The following GLS2 variants were observed in gnomAD, a reference collection of about 807,000 sequenced individuals.
GLS2 encodes glutaminase liver isoform, mitochondrial.
Under a neutral mutation model 79.0 loss-of-function variants are expected in GLS2, and 52 were observed. The observed-to-expected ratio is 0.66, with a 90% CI of 0.53 to 0.83. The LOEUF (loss-of-function observed/expected upper bound fraction) is 0.83. GLS2 is among the 40% of genes least tolerant of loss of function. GLS2 has a pLI of 0.00. For synonymous variants in GLS2, 238 were observed against 280.8 expected (o/e 0.85, Z 1.52); for missense variants, 561 against 764.8 (o/e 0.73, Z 3.14).
At chr12:56,478,881 G>A in intron 4 of GLS2, 171 bp downstream of exon 4, 2 of 751,514 alleles carry the variant, frequency 2.7e-6, no homozygotes, top group Non-Finnish European at 4.2e-6. Flanking sequence ...CTACTCGGGA[G>A]GCTGAGACAG....
In GLS2 at chr12:56,471,977, T is replaced by C. The variant is rs376294276; in HGVS notation, c.1589-141A>G. On this transcript the variant is annotated intron_variant, in intron 16 of 17. Coordinates refer to ENST00000311966, the MANE Select transcript of GLS2 (RefSeq NM_013267.4). ...TGTACCCTGCAGCACTCAGTCATAG[T>C]CTAGCTGCAAACCGAAGGGTGTCTA... 6.3e-6 allele frequency: 8 copies of C among 1,263,684 alleles called. No individual in the cohort carries two copies. The East Asian group carries it at 9.3e-5, about 15-fold the overall frequency. 78.3% of individuals were successfully genotyped at this position (1,263,684 alleles called of 1,614,324 possible).
intron 7 of GLS2, chr12:56,476,372 G>A (rs1011025922): frequency 4.0e-5 from 9 of 227,780 alleles, no homozygotes; most frequent in South Asian, 1.2e-4. Flanking sequence ...TGACTCCCAC[G>A]TTCATTTTCC....
intron 8 of GLS2, 97 bp from the exon 9 acceptor site, chr12:56,475,779 A>G: frequency 1.4e-6 from 2 of 1,431,584 alleles, no homozygotes; most frequent in Non-Finnish European, 1.9e-6. Flanking sequence ...GGTCTTGTCA[A>G]GAGGCTTTCC....
At chr12:56,471,708 A>G (rs935123700) in intron 17 of GLS2, 65 bp from the exon 18 acceptor site, 8 of 1,611,564 alleles carry the variant, frequency 5.0e-6, no homozygotes, top group Non-Finnish European at 6.8e-6. Context: ...ATATATTTGC[A>G]TGGTGGCTGG....
rs780174216 is a variant in GLS2 at position 56,474,602 on chromosome 12, G to A, written c.1166C>T (p.Thr389Ile). ...GCCGCAGGAATGCATGAGGCTGAGG[G>A]TGTTGCGCACTGCTTCAGCACTCAG... is the stretch of plus-strand genomic sequence containing the variant. ...SVLSAEAVRNTLSLMHSCGMY... is the reference protein window; with the variant it reads ...SVLSAEAVRNILSLMHSCGMY... Residue 389 changes from threonine to isoleucine, a missense_variant, in exon 12 of 18, where the codon ACC becomes ATC. Physicochemically the swap from Thr to Ile is moderately conservative, Grantham distance 89 (BLOSUM62 -1). Around this residue, in one of 4 missense-constraint regions of GLS2, gnomAD observed 221 missense variants for 275.6 expected, o/e 0.80. Transcript: ENST00000311966. The A allele has an allele frequency of 6.2e-7, 1 of 1,614,202 alleles. No homozygotes were observed. The highest frequency in any genetic ancestry group is 2.2e-5 in the East Asian group (1 of 44,888).
intron 6 of GLS2, 22 bp from the exon 7 acceptor site, chr12:56,477,740 AGAGTCTTAGCCACT>A: frequency 6.2e-7 from 1 of 1,607,896 alleles, no homozygotes; most frequent in Non-Finnish European, 8.5e-7. Flanking sequence ...CAAACCACCA[AGAGTCTTAGCCACT>A]GAACAAAGCC....
At position 56,477,452 on chromosome 12, in the gene GLS2, G is replaced by C. The variant is rs542855957; in HGVS notation, c.837+208C>G. Reference sequence around the variant, plus strand: ...ATGGGTGGGGGCAGGGAACAGTACTGAGTGGGGATGACGGAGGTGGTGCAG... The same window carrying C: ...ATGGGTGGGGGCAGGGAACAGTACTCAGTGGGGATGACGGAGGTGGTGCAG... On this transcript the variant is annotated intron_variant, in intron 7 of 17. Transcript: ENST00000311966. 9.9e-4 allele frequency: 520 copies of C among 523,168 alleles called. 3 individuals are homozygous for C. Among genetic ancestry groups the C allele is most frequent in the Non-Finnish European group, 9.3e-4 (272 of 291,266 alleles). 32.4% of individuals were successfully genotyped at this position (523,168 alleles called of 1,614,324 possible).
At chr12:56,475,777 C>T (rs1869752307) in intron 8 of GLS2, 95 bp from the exon 9 acceptor site, 2 of 1,442,772 alleles carry the variant, frequency 1.4e-6, no homozygotes, top group South Asian at 2.3e-5. Flanking sequence ...CAGGTCTTGT[C>T]AAGAGGCTTT....
chr12:56,471,679 C>T (rs376798037), intron 17 of GLS2, 36 bp from the exon 18 acceptor site: 128 of 1,612,904 alleles, frequency 7.9e-5, no homozygotes, highest in Middle Eastern at 1.6e-4. Context: ...GCAAAGGAGA[C>T]GTGGAGAGTG....
intron 9 of GLS2, 189 bp downstream of exon 9, chr12:56,475,435 G>A: frequency 1.4e-6 from 1 of 715,244 alleles, no homozygotes; most frequent in Non-Finnish European, 2.3e-6. Flanking sequence ...GTACTAATTA[G>A]AAATGGAACA....
At chr12:56,486,743 C>T (rs926745492) in intron 1 of GLS2, among the ~76,000 whole-genome samples, 3 of 151,968 alleles carry the variant, frequency 2.0e-5, no homozygotes, top group African/African-American at 7.3e-5. Flanking sequence ...CGAGGTAATC[C>T]CAGCTATTCG....
intron 7 of GLS2, 72 bp from the exon 8 acceptor site, chr12:56,476,049 A>G: frequency 6.8e-7 from 1 of 1,462,838 alleles, no homozygotes; most frequent in Non-Finnish European, 9.5e-7. Flanking sequence ...AGAAGGATCT[A>G]GTGGAGTTCT....
At chr12:56,479,389 A>C in intron 3 of GLS2, 1 of 537,456 alleles carries the variant, frequency 1.9e-6, no homozygotes, top group Non-Finnish European at 3.1e-6. Context: ...GAAAGACACT[A>C]TGTCTTGGGA....
intron 2 of GLS2, 30 bp downstream of exon 2, chr12:56,480,258 A>G (rs370979497): frequency 2.8e-5 from 44 of 1,548,550 alleles, no homozygotes; most frequent in Non-Finnish European, 3.7e-5. Context: ...TTAAGGAATT[A>G]GGATCCTGAA....
intron 1 of GLS2, 49 bp downstream of exon 1, chr12:56,487,888 A>G (rs775188860): frequency 3.2e-6 from 5 of 1,568,098 alleles, no homozygotes; most frequent in Non-Finnish European, 4.3e-6. Context: ...CGAGAACCAC[A>G]GTGGGAGTGG....
At chr12:56,475,436 A>C (rs1228092905) in intron 9 of GLS2, 188 bp downstream of exon 9, 2 of 712,870 alleles carry the variant, frequency 2.8e-6, no homozygotes, top group East Asian at 5.4e-5. Flanking sequence ...TACTAATTAG[A>C]AATGGAACAA....
In GLS2 at chr12:56,470,997, T is replaced by A; in HGVS notation, c.*490A>T. ...ATTTGAACACAAAATACTTTCTCTGTCTATAAAATTGGCTGTTAGCAGTAG... is the reference window on the plus strand; with the variant it reads ...ATTTGAACACAAAATACTTTCTCTGACTATAAAATTGGCTGTTAGCAGTAG... On this transcript the variant is annotated 3_prime_UTR_variant, in exon 18 of 18. Transcript: ENST00000311966. 1 of 199,742 alleles carries A rather than the reference T, an allele frequency of 5.0e-6. No individual in the cohort carries two copies. 12.4% of individuals were successfully genotyped at this position (199,742 alleles called of 1,614,324 possible).
chr12:56,481,292 G>A (rs975587729), intron 1 of GLS2, among the ~76,000 whole-genome samples: 4 of 133,548 alleles, frequency 3.0e-5, no homozygotes, highest in Admixed American at 2.8e-4. Flanking sequence ...TGCAACCTCC[G>A]CCTCCTGGGT....
Position 56,478,262 on chromosome 12 carries a change from C to T in GLS2, c.535G>A (p.Val179Met), listed in dbSNP as rs2136188089. The T allele has an allele frequency of 6.2e-7, 1 of 1,614,062 alleles. No individual in the cohort carries two copies. The highest frequency in any genetic ancestry group is 8.5e-7 in the Non-Finnish European group (1 of 1,179,998). The part of the protein sequence containing the change: ...EDVKELTGGK[V>M]AAYIPQLAKS... ...GCCAGCTGAGGGATGTAGGCTGCCACCTGGACATGAGTGGGTAGAGAAAAG... is the reference window on the plus strand; with the variant it reads ...GCCAGCTGAGGGATGTAGGCTGCCATCTGGACATGAGTGGGTAGAGAAAAG... The change falls in exon 5 of 18, where the codon GTG (valine) becomes ATG (methionine). Residue 179 changes from valine to methionine, a missense_variant and splice_region_variant. Around this residue, in one of 4 missense-constraint regions of GLS2, gnomAD observed 43 missense variants for 92.8 expected, o/e 0.46. Transcript: ENST00000311966.
Sources: allele counts gnomAD v4.1 joint callset (sites outside exome capture counted in the v4.1 genomes callset), GRCh38; gene constraint gnomAD v4.1.1; regional missense constraint gnomAD v4.1.1; transcripts MANE v1.5; gene names NCBI Gene and HGNC (gene_info 2026-07-23, HGNC 2026-07-21).